The following PITPNM2 variants were observed in gnomAD, a reference collection of about 807,000 sequenced individuals.
The protein encoded by PITPNM2 is membrane-associated phosphatidylinositol transfer protein 2.
In PITPNM2, 35 loss-of-function variants were observed where a neutral mutation model predicts 132.2. The observed-to-expected ratio is 0.26, with a 90% CI of 0.20 to 0.35. The LOEUF is 0.35. Ranked by LOEUF, PITPNM2 falls within the 10% of genes least tolerant of loss-of-function variation. The pLI, the probability that PITPNM2 is intolerant of heterozygous loss-of-function variation, is 1.00. For synonymous variants in PITPNM2, 738 were observed against 799.2 expected, an observed-to-expected ratio of 0.92 and a Z score of 1.29; for missense variants, 1,332 against 1,912.0, an observed-to-expected ratio of 0.70 and a Z score of 5.66.
Position 122,986,684 on chromosome 12 carries a change from G to T in PITPNM2, c.3559C>A (p.Arg1187=). 2 of 1,613,378 alleles carry T rather than the reference G, an allele frequency of 1.2e-6. No individual in the cohort carries two copies. Among genetic ancestry groups the T allele is most frequent in the Non-Finnish European group, 1.7e-6 (2 of 1,179,950 alleles). Residue 1187 remains arginine (R), a synonymous_variant, in exon 24 of 26, where the codon CGG becomes AGG. Coordinates refer to ENST00000320201, the MANE Select transcript of PITPNM2 (RefSeq NM_020845.3). ...FCDGLVHDPL[R]HKANFLKLLI... ...AGCTTCAGGAAGTTGGCCTTGTGCC[G>T]CAGCGGGTCATGCACCAGGCCGTCA...
chr12:123,012,093 C>T (rs1031605301), intron 5 of PITPNM2, among the ~76,000 whole-genome samples: 6 of 152,224 alleles, frequency 3.9e-5, no homozygotes, highest in African/African-American at 1.4e-4. Flanking sequence ...CACTGGCATA[C>T]ATTTATTTAC....
At chr12:123,025,764 G>A (rs766828439) in intron 3 of PITPNM2, among the ~76,000 whole-genome samples, 5 of 152,150 alleles carry the variant, frequency 3.3e-5, no homozygotes, top group Non-Finnish European at 7.3e-5. Flanking sequence ...AAAACAGCAA[G>A]CTCTTCCTGG....
chr12:123,013,900 C>G lies in PITPNM2; in HGVS notation c.221G>C (p.Arg74Pro). Residue 74 changes from arginine (R) to proline (P), a missense_variant, in exon 4 of 26, where the codon CGC (arginine) becomes CCC (proline). Transcript: ENST00000320201. ...CAGGGCTGCCTTGGGCAGGATGGAGCGGAACCAGCTGGGAATGTGCATGCC... is the reference window on the plus strand; with the variant it reads ...CAGGGCTGCCTTGGGCAGGATGGAGGGGAACCAGCTGGGAATGTGCATGCC... ...HVGMHIPSWF[R>P]SILPKAALRV... 2 of 1,614,270 alleles carry G rather than the reference C, an allele frequency of 1.2e-6. No homozygotes were observed. Among genetic ancestry groups the G allele is most frequent in the Non-Finnish European group, 1.7e-6 (2 of 1,180,052 alleles).
intron 1 of PITPNM2, among the ~76,000 whole-genome samples, chr12:123,139,786 GC>G (rs200495449): frequency 0.011 from 1,718 of 152,300 alleles, 13 homozygotes; most frequent in South Asian, 0.025. Flanking sequence ...GGGAGGCCCA[GC>G]CCTGAGACCT....
chr12:123,002,567 G>A (rs1340830770), intron 8 of PITPNM2, among the ~76,000 whole-genome samples: 3 of 151,910 alleles, frequency 2.0e-5, no homozygotes, highest in Admixed American at 6.6e-5. Flanking sequence ...CATGCGCCAC[G>A]ACACTTGGCT....
chr12:123,139,008 C>A (rs2043441070), intron 1 of PITPNM2, among the ~76,000 whole-genome samples: 1 of 152,042 alleles, frequency 6.6e-6, no homozygotes, highest in African/African-American at 2.4e-5. Flanking sequence ...CACTGTGATG[C>A]ACGCCTGTAG....
intron 2 of PITPNM2, among the ~76,000 whole-genome samples, chr12:123,080,926 C>T (rs2041943171): frequency 6.6e-6 from 1 of 152,230 alleles, no homozygotes; most frequent in Non-Finnish European, 1.5e-5. Flanking sequence ...CGTGACCTGC[C>T]ACTGGCCCCA....
At chr12:123,145,142 C>T (rs2043588557) in intron 1 of PITPNM2, among the ~76,000 whole-genome samples, 1 of 152,134 alleles carries the variant, frequency 6.6e-6, no homozygotes, top group Non-Finnish European at 1.5e-5. Context: ...CACCACTGCA[C>T]TCCAGCCTGG....
At chr12:123,065,211 G>A (rs776726288) in intron 2 of PITPNM2, among the ~76,000 whole-genome samples, 6 of 152,236 alleles carry the variant, frequency 3.9e-5, no homozygotes, top group Non-Finnish European at 7.3e-5. Context: ...AAGGCTTTCC[G>A]AGAGCATCCA....
intron 3 of PITPNM2, among the ~76,000 whole-genome samples, chr12:123,025,485 G>A (rs925905475): frequency 1.3e-5 from 2 of 151,366 alleles, no homozygotes; most frequent in African/African-American, 4.9e-5. Context: ...CCAGGCTGGG[G>A]TGCAATGGTG....
chr12:123,056,164 G>C (rs1418546670), intron 2 of PITPNM2, among the ~76,000 whole-genome samples: 1 of 152,208 alleles, frequency 6.6e-6, no homozygotes, highest in East Asian at 1.9e-4. Context: ...GGTCAAGGCA[G>C]TGGTGATGAG....
At position 122,986,519 on chromosome 12, in the gene PITPNM2, C is replaced by T. The variant is rs1028396678; in HGVS notation, c.3643G>A (p.Ala1215Thr). ...HAAYGSTKDV[A>T]VYSAISLSPM... The stretch of plus-strand genomic sequence containing the variant: ...GACAGGCTAATGGCGCTGTACACCG[C>T]CACGTCCTTGGTGGAGCCATAGGCC... Residue 1215 changes from alanine (A) to threonine (T), a missense_variant, in exon 25 of 26, where the codon GCG becomes ACG. Transcript: ENST00000320201. 6.3e-7 allele frequency: 1 copy of T among 1,597,552 alleles called. No individual in the cohort carries two copies. The highest frequency in any genetic ancestry group is 8.5e-7 in the Non-Finnish European group (1 of 1,171,414).
Position 123,005,865 on chromosome 12 carries a change from A to C in PITPNM2, c.644-317T>G. 3.1e-6 allele frequency: 1 copy of C among 324,454 alleles called. No homozygotes were observed. The highest frequency in any genetic ancestry group is 5.7e-6 in the Non-Finnish European group (1 of 176,686). 20.1% of individuals were successfully genotyped at this position (324,454 alleles called of 1,614,324 possible). A position where few individuals can be genotyped will look rare whatever the true frequency, so the allele number is the denominator to read the frequency against. ...GTAATCCCAACACTTTGGGAGGATT[A>C]GGTGGGAGGACAGCTTGAGTCCAAG... On this transcript the variant is annotated intron_variant, in intron 6 of 25. Coordinates refer to ENST00000320201, the MANE Select transcript of PITPNM2 (RefSeq NM_020845.3). This position sits in a 1 kb window ranked among gnomAD's most constrained non-coding sequence, Gnocchi z 6.2.
rs201185918 is a variant in PITPNM2 at position 122,995,691 on chromosome 12, G to C, written c.1783-31C>G. ...ACGGCCCCGTGGAGGCTCACTGCCA[G>C]GTGGCCGCTGGCCTGACCCCTTCTC... On this transcript the variant is annotated intron_variant, in intron 13 of 25. Transcript: ENST00000320201. The C allele has an allele frequency of 5.2e-4, 805 of 1,547,566 alleles. 3 individuals are homozygous for C. The African/African-American group carries it at 9.9e-3, about 19-fold the overall frequency.
rs563424985 is a variant in PITPNM2, at chr12:123,109,765, G to C, written c.-96+620C>G. Among the ~76,000 whole-genome samples the C allele has an allele frequency of 3.9e-5, 6 of 152,288 alleles. No individual in the cohort carries two copies. The East Asian group carries it at 1.2e-3, about 29-fold the overall frequency. On this transcript the variant is annotated intron_variant, in intron 2 of 25. Coordinates refer to ENST00000320201, the MANE Select transcript of PITPNM2 (RefSeq NM_020845.3). The stretch of plus-strand genomic sequence containing the variant: ...GAGCAAACAGAAAAGAGCCACTCTG[G>C]GGTGCTCTATAAACAGGAGAATAGC...
intron 2 of PITPNM2, among the ~76,000 whole-genome samples, chr12:123,086,697 G>A (rs894613705): frequency 5.9e-5 from 9 of 152,190 alleles, no homozygotes; most frequent in Admixed American, 2.6e-4. Flanking sequence ...GTGGAGCCCC[G>A]ATTCAAATTC....
chr12:123,013,755 C>A, intron 4 of PITPNM2, 73 bp downstream of exon 4: 3 of 1,493,938 alleles, frequency 2.0e-6, no homozygotes, highest in Non-Finnish European at 2.7e-6. Context: ...TCCCCTGGAT[C>A]TATGCCACAA....
chr12:123,149,239 G>A (rs913792668), intron 1 of PITPNM2, among the ~76,000 whole-genome samples: 1 of 152,186 alleles, frequency 6.6e-6, no homozygotes, highest in Non-Finnish European at 1.5e-5. Flanking sequence ...AGCTGGGGAA[G>A]ACCAGGAGAG....
At chr12:123,115,392 A>G (rs1001636236) in intron 1 of PITPNM2, among the ~76,000 whole-genome samples, 1 of 152,140 alleles carries the variant, frequency 6.6e-6, no homozygotes, top group Non-Finnish European at 1.5e-5. Flanking sequence ...GACTGTTAGG[A>G]GCGATTTTTC....
Sources: gnomAD v4.1 joint callset for allele counts (sites outside exome capture counted in the v4.1 genomes callset) on GRCh38, gnomAD v4.1.1 for gene constraint, Gnocchi (gnomAD v3.1) non-coding constraint, MANE v1.5 for transcripts, NCBI Gene and HGNC (gene_info 2026-07-23, HGNC 2026-07-21) for gene names.